The following CCDC14 variants were observed in gnomAD, a reference collection of about 807,000 sequenced individuals.
CCDC14 encodes coiled-coil domain-containing protein 14.
CCDC14 carries 71 observed loss-of-function variants against 81.4 expected under a neutral mutation model. That is an observed-to-expected ratio of 0.87 (90% confidence interval 0.72 to 1.06). CCDC14 has a LOEUF of 1.06. Ranked by LOEUF, CCDC14 falls within the 50% of genes least tolerant of loss-of-function variation. The pLI is 0.00. For synonymous variants in CCDC14, 332 were observed against 364.8 expected, an observed-to-expected ratio of 0.91 and a Z score of 1.03; for missense variants, 1,046 against 1,047.3, an observed-to-expected ratio of 1.00 and a Z score of 0.02.
intron 5 of CCDC14, chr3:123,952,636 A>G (rs773985680): frequency 1.9e-6 from 1 of 528,980 alleles, no homozygotes; most frequent in Non-Finnish European, 3.9e-6. Context: ...GCATTCAATG[A>G]TCATATCATC....
At chr3:123,898,103 A>G (rs1161741393) in intron 5 of CCDC14, among the ~76,000 whole-genome samples, 1 of 152,246 alleles carries the variant, frequency 6.6e-6, no homozygotes, top group East Asian at 1.9e-4. Flanking sequence ...TGGAGGGACT[A>G]TAGTTTAGTG....
At chr3:123,958,789 A>C (rs1022978038) in intron 1 of CCDC14, 9 of 152,050 alleles carry the variant, frequency 5.9e-5, no homozygotes, top group South Asian at 2.1e-4. Context: ...ACAAAAAAAA[A>C]CCCAAAAAAC....
chr3:123,897,079 A>C (rs2034076476), downstream of CCDC14, among the ~76,000 whole-genome samples: 1 of 152,220 alleles, frequency 6.6e-6, no homozygotes, highest in Admixed American at 6.5e-5. Context: ...TTGGGATTTC[A>C]ACCTGAGTCT....
intron 5 of CCDC14, among the ~76,000 whole-genome samples, chr3:123,900,995 AGG>A (rs1449425179): frequency 6.6e-6 from 1 of 152,136 alleles, no homozygotes; most frequent in Non-Finnish European, 1.5e-5. Context: ...GCACTTTGGG[AGG>A]CTAAGGCAGG....
chr3:123,917,038 T>C (rs961007349), intron 12 of CCDC14, among the ~76,000 whole-genome samples: 2 of 150,574 alleles, frequency 1.3e-5, no homozygotes, highest in African/African-American at 4.9e-5. Flanking sequence ...AGCGACGGGG[T>C]TTCACTGTGT....
Position 123,913,736 on chromosome 3 carries a change from C to G in CCDC14, c.*1043G>C, listed in dbSNP as rs1348404837. ...AGGAGGTTCTGGGATTAGGAGAACACTCTTTAATGATAAAGCCTGTCCAAG... is the reference window on the plus strand; with the variant it reads ...AGGAGGTTCTGGGATTAGGAGAACAGTCTTTAATGATAAAGCCTGTCCAAG... On this transcript the variant is annotated 3_prime_UTR_variant, in exon 13 of 13. Transcript: ENST00000409697. 3 of 983,384 alleles carry G rather than the reference C, an allele frequency of 3.1e-6. No individual in the cohort carries two copies. The highest frequency in any genetic ancestry group is 3.6e-6 in the Non-Finnish European group (3 of 829,636). 60.9% of individuals were successfully genotyped at this position (983,384 alleles called of 1,614,324 possible). A position where few individuals can be genotyped will look rare whatever the true frequency, so the allele number is the denominator to read the frequency against.
At chr3:123,957,285 T>G (rs1282455042) in intron 1 of CCDC14, 3 of 152,054 alleles carry the variant, frequency 2.0e-5, no homozygotes. Flanking sequence ...TTAAGTCTAT[T>G]TAAGGTGAAA....
At chr3:123,949,449 A>G (rs1381465650) in intron 5 of CCDC14, 1 of 280,112 alleles carries the variant, frequency 3.6e-6, no homozygotes, top group Non-Finnish European at 6.8e-6. Context: ...CCTAAAGTCC[A>G]GTCAAACTCC....
At position 123,933,962 on chromosome 3, in the gene CCDC14, C is replaced by G. The variant is rs114600902; in HGVS notation, c.1344-207G>C. 2.9e-3 allele frequency among the ~76,000 whole-genome samples: 447 copies of G among 152,102 alleles called. 3 individuals carry two copies. The highest frequency in any genetic ancestry group is 0.01 in the African/African-American group (418 of 41,492). ...AGGCCTGAGATAATTTTTAAGGTTG[C>G]CTGAAACAACATAAAACCTCCCCTC... On this transcript the variant is annotated intron_variant, in intron 9 of 12. Coordinates refer to ENST00000409697, the MANE Select transcript of CCDC14 (RefSeq NM_001366335.1).
chr3:123,950,383 C>T (rs2036933624), intron 5 of CCDC14, among the ~76,000 whole-genome samples: 1 of 152,024 alleles, frequency 6.6e-6, no homozygotes, highest in Admixed American at 6.6e-5. Flanking sequence ...CTGAAAACAC[C>T]AAATAGCCAT....
intron 9 of CCDC14, among the ~76,000 whole-genome samples, chr3:123,944,361 T>C (rs368180358): frequency 3.3e-5 from 5 of 152,222 alleles, no homozygotes; most frequent in African/African-American, 9.6e-5. Flanking sequence ...GGTTGAGCCA[T>C]GTAAGACTCC....
chr3:123,888,158 T>A, the CCDC14 span, among the ~76,000 whole-genome samples: 20,826 of 152,160 alleles, frequency 0.14, 2,464 homozygotes, highest in East Asian at 0.35. Flanking sequence ...TGTTCTTTCA[T>A]GTTTCATGTC....
downstream of CCDC14, among the ~76,000 whole-genome samples, chr3:123,909,358 T>C (rs933473301): frequency 6.6e-5 from 10 of 152,168 alleles, no homozygotes; most frequent in African/African-American, 9.7e-5. Context: ...TGTGGAGAAA[T>C]GAGCCCTCTT....
At chr3:123,921,365 G>A (rs1407565619) in intron 12 of CCDC14, among the ~76,000 whole-genome samples, 1 of 152,100 alleles carries the variant, frequency 6.6e-6, no homozygotes, top group East Asian at 1.9e-4. Flanking sequence ...AGGAAACGAA[G>A]AAAGCAGGGG....
At chr3:123,886,185 G>T in the CCDC14 span, among the ~76,000 whole-genome samples, 5 of 150,036 alleles carry the variant, frequency 3.3e-5, no homozygotes, top group Admixed American at 2.7e-4. Context: ...TGTGCAAAGA[G>T]CTTCAAAGAC....
intron 5 of CCDC14, chr3:123,954,056 T>C (rs1188064449): frequency 1.3e-5 from 2 of 152,206 alleles, no homozygotes; most frequent in Non-Finnish European, 2.9e-5. Context: ...AGTAAGTTGA[T>C]ACCATGACAC....
intron 9 of CCDC14, among the ~76,000 whole-genome samples, chr3:123,937,214 G>A (rs1394174732): frequency 6.6e-6 from 1 of 152,014 alleles, no homozygotes; most frequent in African/African-American, 2.4e-5. Flanking sequence ...GAGTGGACTG[G>A]CTGGATCATA....
intron 12 of CCDC14, among the ~76,000 whole-genome samples, chr3:123,926,764 T>G (rs1361069801): frequency 6.6e-6 from 1 of 152,022 alleles, no homozygotes; most frequent in African/African-American, 2.4e-5. Flanking sequence ...TACCTTTCAG[T>G]CCCATTACTC....
At chr3:123,904,740 T>C (rs1357661306) in intron 5 of CCDC14, among the ~76,000 whole-genome samples, 1 of 151,956 alleles carries the variant, frequency 6.6e-6, no homozygotes, top group Non-Finnish European at 1.5e-5. Context: ...TGTTATACAA[T>C]ATTAATGAGT....
Sources: gnomAD v4.1 joint callset for allele counts (sites outside exome capture counted in the v4.1 genomes callset) on GRCh38, gnomAD v4.1.1 for gene constraint, MANE v1.5 for transcripts, NCBI Gene and HGNC (gene_info 2026-07-23, HGNC 2026-07-21) for gene names.